The following VWA8 variants were observed in gnomAD, a reference collection of about 807,000 sequenced individuals.
The protein encoded by VWA8 is von Willebrand factor A domain containing 8.
A neutral mutation model predicts 241.5 loss-of-function variants in VWA8; 221 were observed. That is an observed-to-expected ratio of 0.91 (90% CI 0.82 to 1.02). The LOEUF (loss-of-function observed/expected upper bound fraction) is 1.02, where lower values mean the gene tolerates loss of function less well. VWA8 is among the 50% of genes least tolerant of loss of function. The pLI is 0.00. For missense variants in VWA8, 2,322 were observed against 2,328.7 expected, an observed-to-expected ratio of 1.00 and a Z score of 0.06; for synonymous variants, 852 against 827.1, an observed-to-expected ratio of 1.03 and a Z score of -0.52.
At chr13:41,830,491 CAAT>C (rs1871399352) in intron 14 of VWA8, 35 bp downstream of exon 14, 1 of 1,475,916 alleles carries the variant, frequency 6.8e-7, no homozygotes, top group Non-Finnish European at 9.4e-7. Context: ...TTTAACTTAA[CAAT>C]AAATTAGCAA....
chr13:41,739,835 TTTTGTTTTTTTTGTTTTTTTTG>T (rs1354247406), intron 21 of VWA8, among the ~76,000 whole-genome samples: 48 of 56,402 alleles, frequency 8.5e-4, no homozygotes, highest in East Asian at 1.5e-3. Context: ...TTGTTTTTTT[TTTTGTTTTTTTTGTTTTTTTTG>T]TTTTTTTTTT....
chr13:41,683,058 A>C (rs1398931151), intron 35 of VWA8, among the ~76,000 whole-genome samples: 1 of 152,162 alleles, frequency 6.6e-6, no homozygotes, highest in Non-Finnish European at 1.5e-5. Context: ...CAGTTTCATC[A>C]TATGATGCAA....
intron 12 of VWA8, among the ~76,000 whole-genome samples, chr13:41,856,547 A>G (rs1872757030): frequency 1.3e-5 from 2 of 152,184 alleles, no homozygotes. Flanking sequence ...AAGGCTAGGC[A>G]TAGTGGCTAA....
chr13:41,573,621 T>C (rs1266441613), intron 43 of VWA8, among the ~76,000 whole-genome samples: 2 of 101,922 alleles, frequency 2.0e-5, no homozygotes, highest in East Asian at 3.3e-4. Flanking sequence ...ATATATATGG[T>C]GTGTGTGTGT....
At chr13:41,591,114 G>A (rs1266506946) in intron 40 of VWA8, among the ~76,000 whole-genome samples, 1 of 152,110 alleles carries the variant, frequency 6.6e-6, no homozygotes, top group Non-Finnish European at 1.5e-5. Flanking sequence ...TAATCAGCTT[G>A]AATTTGTTAA....
chr13:41,631,591 A>C (rs1457335419), intron 37 of VWA8, among the ~76,000 whole-genome samples: 1 of 152,168 alleles, frequency 6.6e-6, no homozygotes, highest in Non-Finnish European at 1.5e-5. Context: ...AACTCATCCA[A>C]AGCAACTGCT....
intron 37 of VWA8, among the ~76,000 whole-genome samples, chr13:41,615,426 G>A (rs921622402): frequency 6.6e-6 from 1 of 152,196 alleles, no homozygotes; most frequent in Non-Finnish European, 1.5e-5. Context: ...TCACTGGAGA[G>A]GGGTATTTTG....
At chr13:41,610,272 C>T (rs1345961653) in intron 39 of VWA8, among the ~76,000 whole-genome samples, 2 of 152,224 alleles carry the variant, frequency 1.3e-5, no homozygotes, top group Non-Finnish European at 2.9e-5. Context: ...GTTCACTACA[C>T]TATTCTCTAC....
chr13:41,663,937 G>C lies in VWA8; in HGVS notation c.4611+7009C>G, dbSNP rs118059235. Among the ~76,000 whole-genome samples the C allele has an allele frequency of 3.9e-3, 592 of 151,546 alleles. 12 individuals carry two copies. In the East Asian group the frequency reaches 0.061, roughly 16 times the overall value. On this transcript the variant is annotated intron_variant, in intron 37 of 44. Transcript: ENST00000379310. ...AACTTACTGAATATATTATGTCACA[G>C]TCTAGACATAATGTATTCAGTAAGT...
intron 2 of VWA8, among the ~76,000 whole-genome samples, chr13:41,916,190 CTG>C (rs1425438673): frequency 2.6e-5 from 4 of 152,140 alleles, no homozygotes; most frequent in African/African-American, 9.7e-5. Context: ...ACAGTAAATG[CTG>C]TGTTTGTTAA....
intron 37 of VWA8, among the ~76,000 whole-genome samples, chr13:41,666,659 T>C (rs906389539): frequency 6.6e-6 from 1 of 152,122 alleles, no homozygotes; most frequent in Non-Finnish European, 1.5e-5. Flanking sequence ...AGAACTAGTT[T>C]ACTAGCACGC....
chr13:41,812,857 A>G (rs1474396977), intron 16 of VWA8, among the ~76,000 whole-genome samples: 2 of 152,192 alleles, frequency 1.3e-5, no homozygotes, highest in African/African-American at 2.4e-5. Flanking sequence ...CCAGATATGG[A>G]GACAATATTC....
At chr13:41,839,635 T>C (rs1242435895) in intron 12 of VWA8, among the ~76,000 whole-genome samples, 3 of 152,090 alleles carry the variant, frequency 2.0e-5, no homozygotes, top group Admixed American at 2.0e-4. Context: ...CCTAGCACCA[T>C]TTATTAAATA....
At chr13:41,683,745 T>A (rs2045116124) in intron 35 of VWA8, among the ~76,000 whole-genome samples, 1 of 152,078 alleles carries the variant, frequency 6.6e-6, no homozygotes, top group African/African-American at 2.4e-5. Flanking sequence ...TTGGATGGGA[T>A]ATTGGTAACA....
intron 14 of VWA8, among the ~76,000 whole-genome samples, chr13:41,828,314 A>G (rs1249896422): frequency 2.6e-5 from 4 of 152,228 alleles, no homozygotes; most frequent in African/African-American, 9.6e-5. Context: ...TGTTTTAAAT[A>G]GGGCAGTAAA....
intron 4 of VWA8, among the ~76,000 whole-genome samples, chr13:41,897,838 AC>A (rs1399699599): frequency 6.6e-6 from 1 of 151,974 alleles, no homozygotes; most frequent in Non-Finnish European, 1.5e-5. Flanking sequence ...GTGGAAGGGG[AC>A]CCGAGCGGGT....
At chr13:41,706,930 C>G (rs2045286415) in intron 26 of VWA8, among the ~76,000 whole-genome samples, 1 of 152,140 alleles carries the variant, frequency 6.6e-6, no homozygotes, top group Non-Finnish European at 1.5e-5. Flanking sequence ...ATAAATAGCA[C>G]TACTTTTTAT....
chr13:41,654,990 T>C (rs2044893163), intron 37 of VWA8, among the ~76,000 whole-genome samples: 1 of 152,248 alleles, frequency 6.6e-6, no homozygotes, highest in African/African-American at 2.4e-5. Context: ...GAATAAGGTC[T>C]GTGGGTTACA....
chr13:41,869,947 A>G (rs186808244), intron 9 of VWA8, among the ~76,000 whole-genome samples: 15 of 152,352 alleles, frequency 9.8e-5, no homozygotes, highest in Middle Eastern at 3.4e-3. Context: ...ACTCAATGAA[A>G]GAACAGATCA....
Sources: allele counts gnomAD v4.1 joint callset (sites outside exome capture counted in the v4.1 genomes callset), GRCh38; gene constraint gnomAD v4.1.1; transcripts MANE v1.5; gene names NCBI Gene and HGNC (gene_info 2026-07-23, HGNC 2026-07-21).